WNK3: variants seen among roughly 807,000 people sequenced by gnomAD.
WNK3 encodes WNK lysine deficient protein kinase 3.
A neutral mutation model predicts 116.7 loss-of-function variants in WNK3; 18 were observed. The ratio of observed to expected loss-of-function variants is 0.15; its 90% CI spans 0.11 to 0.23. WNK3 has a LOEUF of 0.23. Ranked by LOEUF, WNK3 falls within the 10% of genes least tolerant of loss-of-function variation. The pLI, the probability that WNK3 is intolerant of heterozygous loss-of-function variation, is 1.00. For synonymous variants in WNK3, 404 were observed against 469.4 expected (o/e 0.86, Z 1.80); for missense variants, 993 against 1,323.8 (o/e 0.75, Z 3.88).
In WNK3 at chrX:54,285,558, C is replaced by T. The variant is rs1341232890; in HGVS notation, c.2037+7330G>A. 2.7e-5 allele frequency among the ~76,000 whole-genome samples: 3 copies of T among 112,596 alleles called. No individual in the cohort carries two copies. In the East Asian group the frequency reaches 8.3e-4, roughly 31 times the overall value. ...CCTTCAGGCCAAATCTGGCACACCACCTGTTTTTGTGAGCAAATGTTTATT... is the reference window on the plus strand; with the variant it reads ...CCTTCAGGCCAAATCTGGCACACCATCTGTTTTTGTGAGCAAATGTTTATT... On this transcript the variant is annotated intron_variant, in intron 10 of 23. Transcript: ENST00000354646.
At chrX:54,300,297 CG>C (rs1482869832) in intron 6 of WNK3, among the ~76,000 whole-genome samples, 1 of 110,713 alleles carries the variant, frequency 9.0e-6, no homozygotes, top group Non-Finnish European at 1.9e-5. Context: ...GGACTACAGG[CG>C]TGTGACACTA....
At chrX:54,276,980 G>C (rs2068456581) in intron 10 of WNK3, among the ~76,000 whole-genome samples, 1 of 112,288 alleles carries the variant, frequency 8.9e-6, no homozygotes, top group Non-Finnish European at 1.9e-5. Context: ...GCCTCCCAAA[G>C]TGCTGGGATT....
chrX:54,248,761 T>C lies in WNK3; in HGVS notation c.3587A>G (p.Asn1196Ser), dbSNP rs201972022. ...CAGGTCCCTTTTGAACACTGATATATTAGCAGGCTGACTTGCAGCCACATT... is the reference window on the plus strand; with the variant it reads ...CAGGTCCCTTTTGAACACTGATATACTAGCAGGCTGACTTGCAGCCACATT... The change falls in exon 17 of 24, where the codon AAT (asparagine) becomes AGT (serine). Residue 1196 changes from asparagine to serine, a missense_variant. Transcript: ENST00000354646. 3 of 1,210,428 alleles carry C rather than the reference T, an allele frequency of 2.5e-6. No homozygotes were observed. In the East Asian group the frequency reaches 8.9e-5, roughly 36 times the overall value.
At chrX:54,333,446 G>A in exon 2 of WNK3, 1 of 1,211,263 alleles carries the variant, frequency 8.3e-7, no homozygotes, top group Non-Finnish European at 1.1e-6. Flanking sequence ...TCTCATCTTT[G>A]GGGGATGATT....
chrX:54,237,150 A>G (rs782745403), exon 20 of WNK3: 10 of 1,210,538 alleles, frequency 8.3e-6, no homozygotes, highest in South Asian at 1.8e-5. Flanking sequence ...AAAATTCACT[A>G]TCAGAGCTAG....
At chrX:54,350,517 C>T (rs1557178381) in intron 1 of WNK3, among the ~76,000 whole-genome samples, 2 of 111,571 alleles carry the variant, frequency 1.8e-5, no homozygotes, top group African/African-American at 6.5e-5. Context: ...TGATTCAGTA[C>T]CATTTTTCAT....
chrX:54,274,720 T>C (rs1428481707), intron 10 of WNK3, among the ~76,000 whole-genome samples: 1 of 111,561 alleles, frequency 9.0e-6, no homozygotes, highest in Non-Finnish European at 1.9e-5. Context: ...AGTTCAAAGA[T>C]GATGGGAGCT....
At position 54,249,235 on chromosome X, in the gene WNK3, T is replaced by C. The variant is rs781800081; in HGVS notation, c.3113A>G (p.Asp1038Gly). ...TACTGATAAGGTTTGAGGCTTTTGA[T>C]CAAATGCCAGAGTTGTAAGAGAGTT... Residue 1038 changes from aspartate to glycine, a missense_variant, in exon 17 of 24, where the codon GAT (aspartate) becomes GGT (glycine). Asp to Gly is a moderately conservative substitution (Grantham distance 94). Transcript: ENST00000354646. 2.5e-6 allele frequency: 3 copies of C among 1,211,984 alleles called. No homozygotes were observed. Among genetic ancestry groups the C allele is most frequent in the Middle Eastern group, 2.3e-4 (1 of 4,356 alleles).
At chrX:54,251,444 A>C in exon 15 of WNK3, 4 of 1,186,019 alleles carry the variant, frequency 3.4e-6, no homozygotes, top group Non-Finnish European at 4.6e-6. Context: ...TGTTCAGATG[A>C]CCCTGTCTGA....
intron 2 of WNK3, among the ~76,000 whole-genome samples, chrX:54,322,467 C>T (rs2069049984): frequency 9.0e-6 from 1 of 111,198 alleles, no homozygotes; most frequent in Non-Finnish European, 1.9e-5. Context: ...TCAATGACAC[C>T]ATTAACTGAC....
intron 2 of WNK3, 49 bp downstream of exon 2, chrX:54,333,088 G>A (rs782483693): frequency 1.1e-6 from 1 of 945,800 alleles, no homozygotes; most frequent in East Asian, 3.1e-5. Context: ...CAGAAGGCCA[G>A]GCCAGCTAAA....
chrX:54,219,219 C>T (rs58179630), intron 22 of WNK3, among the ~76,000 whole-genome samples: 1 of 111,033 alleles, frequency 9.0e-6, no homozygotes, highest in Non-Finnish European at 1.9e-5. Context: ...AAAAGAAAAT[C>T]TTTAAAGAAG....
intron 21 of WNK3, among the ~76,000 whole-genome samples, chrX:54,232,188 C>A (rs1557149112): frequency 9.3e-6 from 1 of 107,457 alleles, no homozygotes; most frequent in Non-Finnish European, 1.9e-5. Context: ...GTCGCCCAGG[C>A]TGGAGTGCAA....
At chrX:54,352,586 G>A (rs1557178686) in intron 1 of WNK3, among the ~76,000 whole-genome samples, 1 of 111,299 alleles carries the variant, frequency 9.0e-6, no homozygotes, top group African/African-American at 3.3e-5. Flanking sequence ...AGGCTGAGGT[G>A]GGAAGATTGC....
intron 22 of WNK3, among the ~76,000 whole-genome samples, chrX:54,207,294 C>T (rs2067563805): frequency 9.0e-6 from 1 of 111,022 alleles, no homozygotes; most frequent in Non-Finnish European, 1.9e-5. Flanking sequence ...TTACACTAAA[C>T]ACTAACAGAA....
rs782772699 is a variant in WNK3, at chrX:54,198,281, T to G, written c.*43A>C. 4 of 1,051,487 alleles carry G rather than the reference T, an allele frequency of 3.8e-6. No homozygotes were observed. The African/African-American group carries it at 7.6e-5, about 20-fold the overall frequency. 86.7% of individuals were successfully genotyped at this position (1,051,487 alleles called of 1,213,427 possible). A position where few individuals can be genotyped will look rare whatever the true frequency, so the allele number is the denominator to read the frequency against. ...TTTAATATCTTGGGTGTCCTGAAAATAATTCTGAAAAAACCTCCCTTTTTA... is the reference window on the plus strand; with the variant it reads ...TTTAATATCTTGGGTGTCCTGAAAAGAATTCTGAAAAAACCTCCCTTTTTA... On this transcript the variant is annotated 3_prime_UTR_variant, in exon 24 of 24. Transcript: ENST00000354646.
intron 21 of WNK3, among the ~76,000 whole-genome samples, chrX:54,232,113 G>GTATATATATA (rs781829275): frequency 1.2e-4 from 11 of 95,092 alleles, no homozygotes; most frequent in East Asian, 3.2e-4. Context: ...GTGTGTGTGT[G>GTATATATATA]TATATATATA....
At chrX:54,210,810 C>T (rs1334315092) in intron 22 of WNK3, among the ~76,000 whole-genome samples, 1 of 111,755 alleles carries the variant, frequency 8.9e-6, no homozygotes, top group East Asian at 2.8e-4. Flanking sequence ...AAAAGGAATC[C>T]TAAAATTGGA....
At chrX:54,244,399 TTGCC>T (rs1336167392) in intron 17 of WNK3, among the ~76,000 whole-genome samples, 3 of 111,833 alleles carry the variant, frequency 2.7e-5, no homozygotes, top group Non-Finnish European at 3.8e-5. Context: ...TGTAGATAAT[TTGCC>T]TAGTATTACA....
Sources: allele counts gnomAD v4.1 joint callset (sites outside exome capture counted in the v4.1 genomes callset), GRCh38; gene constraint gnomAD v4.1.1; transcripts MANE v1.5; gene names NCBI Gene and HGNC (gene_info 2026-07-23, HGNC 2026-07-21).